WWOX: variants seen among roughly 807,000 people sequenced by gnomAD.
The protein encoded by WWOX is WW domain containing oxidoreductase.
Under a neutral mutation model 46.2 loss-of-function variants are expected in WWOX, and 69 were observed. That is an observed-to-expected ratio of 1.49 (90% CI 1.23 to 1.82). The LOEUF is 1.82. Among genes scored for constraint, WWOX ranks in the 40% most tolerant of loss-of-function variants. WWOX has a pLI of 0.00. For missense variants in WWOX, 919 were observed against 542.6 expected, an observed-to-expected ratio of 1.69 and a Z score of -6.89; for synonymous variants, 359 against 202.6, an observed-to-expected ratio of 1.77 and a Z score of -6.56.
At position 78,956,654 on chromosome 16, in the gene WWOX, C is replaced by G. The variant is rs572080150; in HGVS notation, c.1057-254954C>G. On this transcript the variant is annotated intron_variant, in intron 8 of 8. Coordinates refer to ENST00000566780, the MANE Select transcript of WWOX (RefSeq NM_016373.4). ...ATATCATACCGAATAATTTCATTGC[C>G]CTAAAATACCTCTGTTTTCACTTTT... Among the ~76,000 whole-genome samples, 26 of 152,058 alleles carry G rather than the reference C, an allele frequency of 1.7e-4. No homozygotes were observed. In the South Asian group the frequency reaches 1.9e-3, roughly 11 times the overall value.
At chr16:78,466,372 A>C (rs940984269) in intron 8 of WWOX, among the ~76,000 whole-genome samples, 1 of 151,988 alleles carries the variant, frequency 6.6e-6, no homozygotes, top group Non-Finnish European at 1.5e-5. Flanking sequence ...ACTGTTTTGG[A>C]ACTAGAGGTG....
chr16:79,194,709 A>T (rs1567609942), intron 8 of WWOX, among the ~76,000 whole-genome samples: 1 of 152,220 alleles, frequency 6.6e-6, no homozygotes, highest in East Asian at 1.9e-4. Context: ...AGGAGGTGCT[A>T]CTTTCTCCAT....
rs571773125 is a variant in WWOX at position 78,539,174 on chromosome 16, C to A, written c.1056+106422C>A. ...AATTTTGGTTTTCCCCTAGACTTTGCAGTGCATGACACATAGTAATTGCTC... is the reference window on the plus strand; with the variant it reads ...AATTTTGGTTTTCCCCTAGACTTTGAAGTGCATGACACATAGTAATTGCTC... On this transcript the variant is annotated intron_variant, in intron 8 of 8. Transcript: ENST00000566780. Among the ~76,000 whole-genome samples, 6 of 152,202 alleles carry A rather than the reference C, an allele frequency of 3.9e-5. No individual in the cohort carries two copies. In the South Asian group the frequency reaches 1.2e-3, roughly 32 times the overall value.
chr16:78,930,750 A>T (rs1182283871), intron 8 of WWOX, among the ~76,000 whole-genome samples: 5 of 152,154 alleles, frequency 3.3e-5, no homozygotes, highest in Non-Finnish European at 5.9e-5. Flanking sequence ...GAACTCACTG[A>T]AAAGTCCTGG....
At chr16:78,181,963 C>T (rs964303128) in intron 5 of WWOX, among the ~76,000 whole-genome samples, 4 of 152,160 alleles carry the variant, frequency 2.6e-5, no homozygotes, top group African/African-American at 9.7e-5. Flanking sequence ...TCCGCGAGTT[C>T]CTTTTCCGCA....
At chr16:78,714,871 A>G (rs922338779) in intron 8 of WWOX, among the ~76,000 whole-genome samples, 3 of 152,166 alleles carry the variant, frequency 2.0e-5, no homozygotes, top group African/African-American at 7.2e-5. Context: ...CCAGAGAGAG[A>G]TTGATAAGAC....
rs2044765199 is a variant in WWOX at position 78,573,288 on chromosome 16, A to G, written c.1056+140536A>G. 1.3e-5 allele frequency among the ~76,000 whole-genome samples: 2 copies of G among 152,218 alleles called. 1 individual carries two copies. The highest frequency in any genetic ancestry group is 4.8e-5 in the African/African-American group (2 of 41,446). ...GCAACACAGCGTGACTCCATCTCAA[A>G]ACAAACAAACAAAACAAAACAAAAA... is the stretch of plus-strand genomic sequence containing the variant. On this transcript the variant is annotated intron_variant, in intron 8 of 8. Transcript: ENST00000566780.
intron 8 of WWOX, among the ~76,000 whole-genome samples, chr16:78,779,459 G>T (rs1365064956): frequency 6.6e-6 from 1 of 152,080 alleles, no homozygotes; most frequent in African/African-American, 2.4e-5. Context: ...TTTTAAAGTG[G>T]GGTATTAAGG....
intron 8 of WWOX, among the ~76,000 whole-genome samples, chr16:78,641,690 G>A (rs2046716083): frequency 6.6e-6 from 1 of 152,174 alleles, no homozygotes; most frequent in Non-Finnish European, 1.5e-5. Context: ...CAGTGACTCC[G>A]GGAATGCCTA....
intron 7 of WWOX, 86 bp from the exon 8 acceptor site, chr16:78,432,402 A>C: frequency 1.9e-6 from 3 of 1,562,904 alleles, no homozygotes; most frequent in Non-Finnish European, 2.6e-6. Context: ...CACTGCACCC[A>C]GCATTCCTTA....
intron 5 of WWOX, among the ~76,000 whole-genome samples, chr16:78,336,422 C>G (rs2080889303): frequency 6.9e-6 from 1 of 144,080 alleles, no homozygotes. Flanking sequence ...AGGAGAATCT[C>G]TTGAATCCAG....
intron 8 of WWOX, among the ~76,000 whole-genome samples, chr16:78,633,869 G>A (rs958940669): frequency 1.3e-5 from 2 of 152,116 alleles, no homozygotes; most frequent in South Asian, 2.1e-4. Flanking sequence ...GGTCACCTAC[G>A]GGAGCAGGGG....
At chr16:78,400,275 T>A (rs565185314) in intron 6 of WWOX, among the ~76,000 whole-genome samples, 33 of 152,254 alleles carry the variant, frequency 2.2e-4, no homozygotes, top group African/African-American at 7.9e-4. Context: ...ATGCATAAGG[T>A]GACAAATTAC....
chr16:78,248,691 G>A (rs1373889688), intron 5 of WWOX, among the ~76,000 whole-genome samples: 1 of 151,950 alleles, frequency 6.6e-6, no homozygotes, highest in Non-Finnish European at 1.5e-5. Context: ...AGGTGAGATC[G>A]CACCACTGTA....
At chr16:78,959,788 G>T (rs184301378) in intron 8 of WWOX, among the ~76,000 whole-genome samples, 1,580 of 152,272 alleles carry the variant, frequency 0.01, 12 homozygotes, top group Non-Finnish European at 0.015. Context: ...AGGGAAAGAT[G>T]TCCTCTGTCG....
intron 8 of WWOX, among the ~76,000 whole-genome samples, chr16:79,128,519 C>G (rs571619840): frequency 6.6e-6 from 1 of 152,100 alleles, no homozygotes; most frequent in East Asian, 1.9e-4. Context: ...CAAGGTCACA[C>G]AGCTATTAAG....
intron 8 of WWOX, among the ~76,000 whole-genome samples, chr16:78,802,031 T>C (rs1355707196): frequency 6.6e-6 from 1 of 152,106 alleles, no homozygotes; most frequent in Non-Finnish European, 1.5e-5. Flanking sequence ...TGGTGTACCA[T>C]GGTGGCTTCT....
At chr16:79,183,113 G>C (rs748494563) in intron 8 of WWOX, among the ~76,000 whole-genome samples, 1 of 152,210 alleles carries the variant, frequency 6.6e-6, no homozygotes, top group Non-Finnish European at 1.5e-5. Context: ...CCTTCATGCA[G>C]GTGGAACCAC....
intron 8 of WWOX, among the ~76,000 whole-genome samples, chr16:78,720,548 A>T (rs767594610): frequency 6.6e-6 from 1 of 151,526 alleles, no homozygotes; most frequent in East Asian, 1.9e-4. Context: ...ATTTTATATC[A>T]TAATGTGTCT....
Sources: gnomAD v4.1 joint callset for allele counts (sites outside exome capture counted in the v4.1 genomes callset) on GRCh38, gnomAD v4.1.1 for gene constraint, MANE v1.5 for transcripts, NCBI Gene and HGNC (gene_info 2026-07-23, HGNC 2026-07-21) for gene names.